Variants in PCDHGA1 observed in about 807,000 individuals in gnomAD.
PCDHGA1 encodes protocadherin gamma subfamily A, 1.
Under a neutral mutation model 58.0 loss-of-function variants are expected in PCDHGA1, and 32 were observed. That is an observed-to-expected ratio of 0.55 (90% CI 0.42 to 0.74). The LOEUF is 0.74. Ranked by LOEUF, PCDHGA1 falls within the 30% of genes least tolerant of loss-of-function variation. PCDHGA1 has a pLI of 0.00. For synonymous variants in PCDHGA1, 498 were observed against 501.1 expected (o/e 0.99, Z 0.08); for missense variants, 1,205 against 1,182.3 (o/e 1.02, Z -0.28).
In PCDHGA1 at chr5:141,485,697, A is replaced by G. The variant is rs76923861; in HGVS notation, c.2422-9110A>G. 48,100 of 1,614,036 alleles carry G rather than the reference A, an allele frequency of 0.03. 1,433 individuals carry two copies. Among genetic ancestry groups the G allele is most frequent in the African/African-American group, 0.15 (11,542 of 75,006 alleles). The stretch of plus-strand genomic sequence containing the variant: ...ATTAGCAGCTATAGGCTGAGCTCCA[A>G]TGAACACTTTGCACTGGATGTGAAG... On this transcript the variant is annotated intron_variant, in intron 1 of 3. Transcript: ENST00000517417. The surrounding 1 kb of genome is among the most constrained non-coding windows in gnomAD (Gnocchi z 5.7).
rs372054375 is a variant in PCDHGA1, at chr5:141,490,825, A to T, written c.2422-3982A>T. 9 of 1,613,692 alleles carry T rather than the reference A, an allele frequency of 5.6e-6. No individual in the cohort carries two copies. The highest frequency in any genetic ancestry group is 3.3e-4 in the Middle Eastern group (2 of 6,062). On this transcript the variant is annotated intron_variant, in intron 1 of 3. Transcript: ENST00000517417. This position sits in a 1 kb window ranked among gnomAD's most constrained non-coding sequence, Gnocchi z 5.4. ...TACCTTTGACTATGAATTGCTGCAG[A>T]TGCTGCAGATTGTGGTGGGGGTTCG... is the stretch of plus-strand genomic sequence containing the variant.
In PCDHGA1 at chr5:141,423,272, T is replaced by C. The variant is rs372798900; in HGVS notation, c.2422-71535T>C. On this transcript the variant is annotated intron_variant, in intron 1 of 3. Coordinates refer to ENST00000517417, the MANE Select transcript of PCDHGA1 (RefSeq NM_018912.3). ...GCGGACCTCGGCAGCCTCGAGTCTC[T>C]GGCTAACTCTGAAACCTCAGACCTC... 36 of 1,613,586 alleles carry C rather than the reference T, an allele frequency of 2.2e-5. No individual in the cohort carries two copies. In the African/African-American group the frequency reaches 4.4e-4, roughly 20 times the overall value.
intron 1 of PCDHGA1, among the ~76,000 whole-genome samples, chr5:141,407,809 T>C (rs2094984510): frequency 6.6e-6 from 1 of 152,228 alleles, no homozygotes; most frequent in South Asian, 2.1e-4. Flanking sequence ...TAGAAATATC[T>C]ACTATAATAT....
intron 1 of PCDHGA1, chr5:141,412,147 G>C (rs1447265509): frequency 6.6e-6 from 1 of 152,176 alleles, no homozygotes; most frequent in East Asian, 1.9e-4. Context: ...GATACAAACT[G>C]CCTAAGAGAA....
At chr5:141,346,298 C>T in intron 1 of PCDHGA1, 3 of 1,614,236 alleles carry the variant, frequency 1.9e-6, no homozygotes, top group East Asian at 2.2e-5. Context: ...CCTATTCCCA[C>T]GAGGTCTCCC....
intron 1 of PCDHGA1, among the ~76,000 whole-genome samples, chr5:141,354,023 A>G (rs1041972716): frequency 6.6e-6 from 1 of 152,240 alleles, no homozygotes; most frequent in Non-Finnish European, 1.5e-5. Context: ...AAGTATTCAT[A>G]AGAAAGAAAG....
At chr5:141,384,379 G>C in intron 1 of PCDHGA1, 1 of 1,613,934 alleles carries the variant, frequency 6.2e-7, no homozygotes, top group Non-Finnish European at 8.5e-7. Flanking sequence ...CTTGGCCGAA[G>C]ACACCATCCA....
Position 141,477,665 on chromosome 5 carries a change from G to T in PCDHGA1, c.2422-17142G>T, listed in dbSNP as rs753814499. ...CTATTTCACAATAAATCGTGACAAT[G>T]GCATAGTGTCATCCTTAGTGCCCCT... is the stretch of plus-strand genomic sequence containing the variant. On this transcript the variant is annotated intron_variant, in intron 1 of 3. Coordinates refer to ENST00000517417, the MANE Select transcript of PCDHGA1 (RefSeq NM_018912.3). The surrounding 1 kb of genome is among the most constrained non-coding windows in gnomAD (Gnocchi z 4.9). 6.2e-7 allele frequency: 1 copy of T among 1,614,182 alleles called. No individual in the cohort carries two copies. The highest frequency in any genetic ancestry group is 8.5e-7 in the Non-Finnish European group (1 of 1,180,038).
chr5:141,425,348 A>C (rs2096869744), intron 1 of PCDHGA1, among the ~76,000 whole-genome samples: 1 of 152,242 alleles, frequency 6.6e-6, no homozygotes, highest in Non-Finnish European at 1.5e-5. Context: ...GTTGGCTTTG[A>C]AATGTGATAT....
intron 1 of PCDHGA1, chr5:141,422,419 A>G (rs1318381358): frequency 8.7e-6 from 14 of 1,607,158 alleles, no homozygotes; most frequent in Non-Finnish European, 1.2e-5. Context: ...ATTAGAAAAG[A>G]CTTATGGAAA....
chr5:141,475,013 G>C (rs950376592), intron 1 of PCDHGA1, among the ~76,000 whole-genome samples: 1 of 152,176 alleles, frequency 6.6e-6, no homozygotes, highest in Non-Finnish European at 1.5e-5. Flanking sequence ...AAAAGTTAAG[G>C]CTCTTTATTC....
chr5:141,359,539 T>A (rs1181475445), intron 1 of PCDHGA1, among the ~76,000 whole-genome samples: 1 of 150,972 alleles, frequency 6.6e-6, no homozygotes, highest in African/African-American at 2.4e-5. Flanking sequence ...CTATAAGAAA[T>A]AAATAGGAAA....
chr5:141,376,217 CT>C (rs1370033371), intron 1 of PCDHGA1: 2 of 1,614,210 alleles, frequency 1.2e-6, no homozygotes, highest in East Asian at 4.5e-5. Flanking sequence ...CATCGTGCTG[CT>C]GGCGCTCAGA....
chr5:141,377,336 T>A (rs1773892905), intron 1 of PCDHGA1: 1 of 152,194 alleles, frequency 6.6e-6, no homozygotes, highest in South Asian at 2.1e-4. Context: ...GCTAGCATGG[T>A]GGTTCACGCC....
In PCDHGA1 at chr5:141,476,742, G is replaced by C. The variant is rs1015622831; in HGVS notation, c.2422-18065G>C. 8.7e-6 allele frequency: 14 copies of C among 1,613,936 alleles called. No homozygotes were observed. Among genetic ancestry groups the C allele is most frequent in the Non-Finnish European group, 1.1e-5 (13 of 1,180,032 alleles). On this transcript the variant is annotated intron_variant, in intron 1 of 3. Transcript: ENST00000517417. The surrounding 1 kb of genome is among the most constrained non-coding windows in gnomAD (Gnocchi z 7.6). ...GCCCTGGACCGAGAACGGGAGCCTA[G>C]TCTCCAGTTAGTGCTGACGGCGTTG...
At chr5:141,365,190 A>C (rs1188827131) in intron 1 of PCDHGA1, 1 of 1,613,890 alleles carries the variant, frequency 6.2e-7, no homozygotes, top group South Asian at 1.1e-5. Context: ...GAAGAAGAAA[A>C]AATTTCGGAG....
rs1051300319 is a variant in PCDHGA1 at position 141,491,957 on chromosome 5, A to T, written c.2422-2850A>T. ...GACCGACCCCCACCCCTACACTCAA[A>T]AAAGGCCGGGGCCTCCTTCGAGCTT... is the stretch of plus-strand genomic sequence containing the variant. On this transcript the variant is annotated intron_variant, in intron 1 of 3. Coordinates refer to ENST00000517417, the MANE Select transcript of PCDHGA1 (RefSeq NM_018912.3). The surrounding 1 kb of genome is among the most constrained non-coding windows in gnomAD (Gnocchi z 6.9). 3.6e-5 allele frequency: 37 copies of T among 1,020,096 alleles called. No individual in the cohort carries two copies. The highest frequency in any genetic ancestry group is 5.0e-5 in the Non-Finnish European group (37 of 736,248). The allele number at this position is 1,020,096 out of a possible 1,614,324, so 63.2% of individuals were successfully genotyped here.
chr5:141,471,977 A>G (rs1487329441), intron 1 of PCDHGA1, among the ~76,000 whole-genome samples: 1 of 152,212 alleles, frequency 6.6e-6, no homozygotes, highest in Non-Finnish European at 1.5e-5. Context: ...ATTACTGTAT[A>G]AATTTATTAA....
chr5:141,347,736 A>G (rs113683885), intron 1 of PCDHGA1, among the ~76,000 whole-genome samples: 2,460 of 152,046 alleles, frequency 0.016, 70 homozygotes, highest in African/African-American at 0.056. Flanking sequence ...GCAGAGAGCC[A>G]AAATTGGGCC....
Sources: allele counts gnomAD v4.1 joint callset (sites outside exome capture counted in the v4.1 genomes callset), GRCh38; gene constraint gnomAD v4.1.1; non-coding constraint Gnocchi (gnomAD v3.1); transcripts MANE v1.5; gene names NCBI Gene and HGNC (gene_info 2026-07-23, HGNC 2026-07-21).